Variants in BLTP1 observed in about 807,000 individuals in gnomAD.
The protein encoded by BLTP1 is fragile site-associated protein.
At chr4:122,292,596 G>T in the BLTP1 span, 1 of 931,950 alleles carries the variant, frequency 1.1e-6, no homozygotes, top group Non-Finnish European at 1.3e-6. Context: ...ATAACATGAA[G>T]ATTTCGCTCT....
the BLTP1 span, chr4:122,249,005 T>G: frequency 1.1e-6 from 1 of 940,156 alleles, no homozygotes; most frequent in East Asian, 1.2e-4. Context: ...TTCCACAGTG[T>G]ATCTGTAAGC....
the BLTP1 span, among the ~76,000 whole-genome samples, chr4:122,319,066 G>A: frequency 1.1e-4 from 17 of 152,098 alleles, no homozygotes; most frequent in Non-Finnish European, 2.2e-4. Context: ...AGGGTCTGTT[G>A]TTGTATACCC....
At chr4:122,243,078 A>G in the BLTP1 span, 1 of 1,611,172 alleles carries the variant, frequency 6.2e-7, no homozygotes. Context: ...AGTAAGTAAA[A>G]ATATCATGCT....
the BLTP1 span, among the ~76,000 whole-genome samples, chr4:122,287,997 G>A: frequency 2.6e-5 from 4 of 151,612 alleles, no homozygotes; most frequent in South Asian, 2.1e-4. Context: ...AGTTTGTAAC[G>A]AGGTGGAACA....
At chr4:122,324,477 C>A in the BLTP1 span, 1 of 1,610,826 alleles carries the variant, frequency 6.2e-7, no homozygotes, top group South Asian at 1.1e-5. Flanking sequence ...CAAGTTACAG[C>A]CGATCAAAAA....
chr4:122,287,781 C>T, the BLTP1 span: 28 of 824,498 alleles, frequency 3.4e-5, no homozygotes, highest in Middle Eastern at 6.1e-4. Context: ...AACAAGTGTA[C>T]GAAAAAATAG....
At chr4:122,288,059 C>G in the BLTP1 span, among the ~76,000 whole-genome samples, 11 of 152,110 alleles carry the variant, frequency 7.2e-5, no homozygotes, top group African/African-American at 2.7e-4. Flanking sequence ...TTCAAAGACT[C>G]TAAAATTGCA....
the BLTP1 span, chr4:122,226,429 A>G: frequency 1.7e-6 from 2 of 1,187,862 alleles, no homozygotes; most frequent in Non-Finnish European, 2.1e-6. Context: ...GAATAAAAGG[A>G]TTTGCGTTAA....
the BLTP1 span, among the ~76,000 whole-genome samples, chr4:122,278,837 G>T: frequency 6.6e-6 from 1 of 152,086 alleles, no homozygotes; most frequent in African/African-American, 2.4e-5. Flanking sequence ...TTTCCTTGTT[G>T]CCCAGGCTGA....
At chr4:122,289,621 T>G in the BLTP1 span, 1 of 985,268 alleles carries the variant, frequency 1.0e-6, no homozygotes, top group Non-Finnish European at 1.2e-6. Context: ...AAGAATAGCT[T>G]ACAGTTGAGC....
chr4:122,245,190 G>A, the BLTP1 span: 1 of 1,484,594 alleles, frequency 6.7e-7, no homozygotes, highest in South Asian at 1.2e-5. Context: ...ATTTATCATG[G>A]TTACAGAATA....
the BLTP1 span, among the ~76,000 whole-genome samples, chr4:122,159,414 A>T: frequency 6.6e-6 from 1 of 151,630 alleles, no homozygotes; most frequent in African/African-American, 2.4e-5. Flanking sequence ...AGTGAGCCAG[A>T]TCGTGCCACT....
chr4:122,194,487 C>A, the BLTP1 span: 3 of 803,546 alleles, frequency 3.7e-6, no homozygotes, highest in East Asian at 3.8e-4. Flanking sequence ...CTATATTTGA[C>A]ATATAGCATA....
At chr4:122,307,839 G>C in the BLTP1 span, 1 of 1,510,552 alleles carries the variant, frequency 6.6e-7, no homozygotes, top group East Asian at 2.3e-5. Flanking sequence ...AGTTTTCTGG[G>C]TGTAATTTTT....
chr4:122,215,421 C>T, the BLTP1 span: 61 of 985,204 alleles, frequency 6.2e-5, no homozygotes, highest in Non-Finnish European at 7.1e-5. Context: ...GTGCTGGTAA[C>T]TGTTTTGTTG....
At chr4:122,358,707 T>C in the BLTP1 span, among the ~76,000 whole-genome samples, 1 of 152,304 alleles carries the variant, frequency 6.6e-6, no homozygotes, top group African/African-American at 2.4e-5. Flanking sequence ...AATCAAGTTA[T>C]AACCGGAGCT....
At chr4:122,242,623 G>C in the BLTP1 span, among the ~76,000 whole-genome samples, 1 of 152,128 alleles carries the variant, frequency 6.6e-6, no homozygotes, top group Non-Finnish European at 1.5e-5. Context: ...TACAAGACTA[G>C]TTTTTCCTAT....
At chr4:122,253,506 A>C in the BLTP1 span, among the ~76,000 whole-genome samples, 27 of 152,268 alleles carry the variant, frequency 1.8e-4, no homozygotes, top group African/African-American at 5.1e-4. Context: ...CAAGTGACAT[A>C]GTGAAGAATG....
At chr4:122,277,500 A>G in the BLTP1 span, 1 of 973,018 alleles carries the variant, frequency 1.0e-6, no homozygotes, top group Non-Finnish European at 1.2e-6. Context: ...CATTTCACAA[A>G]TATTTGGCAA....
Sources: gnomAD v4.1 joint callset for allele counts (sites outside exome capture counted in the v4.1 genomes callset) on GRCh38, gnomAD v4.1.1 for gene constraint, MANE v1.5 for transcripts, NCBI Gene and HGNC (gene_info 2026-07-23, HGNC 2026-07-21) for gene names.